IL1RAPL1: variants seen among roughly 807,000 people sequenced by gnomAD.
The protein encoded by IL1RAPL1 is interleukin 1 receptor accessory protein like 1.
Under a neutral mutation model 48.4 loss-of-function variants are expected in IL1RAPL1, and 3 were observed. The observed-to-expected ratio is 0.06, with a 90% CI of 0.03 to 0.16. IL1RAPL1 has a LOEUF of 0.16. IL1RAPL1 is among the 10% of genes least tolerant of loss of function. The probability of loss-of-function intolerance (pLI) is 1.00; values close to 1 mark genes in which losing one functional copy is unlikely to be tolerated. For missense variants in IL1RAPL1, 349 were observed against 530.6 expected, an observed-to-expected ratio of 0.66 and a Z score of 3.36; for synonymous variants, 185 against 187.7, an observed-to-expected ratio of 0.99 and a Z score of 0.12.
At chrX:28,741,018 C>T (rs151110959) in intron 1 of IL1RAPL1, among the ~76,000 whole-genome samples, 27 of 111,908 alleles carry the variant, frequency 2.4e-4, no homozygotes, top group African/African-American at 8.4e-4. Context: ...TACATACCGT[C>T]GTTTGATTGA....
At chrX:29,673,064 C>T (rs1012129223) in intron 6 of IL1RAPL1, among the ~76,000 whole-genome samples, 3 of 111,746 alleles carry the variant, frequency 2.7e-5, no homozygotes, top group African/African-American at 6.5e-5. Context: ...AATTAGCACT[C>T]CTTGGCTTGT....
intron 3 of IL1RAPL1, among the ~76,000 whole-genome samples, chrX:29,356,001 T>C (rs1933296302): frequency 8.9e-6 from 1 of 111,982 alleles, no homozygotes; most frequent in African/African-American, 3.2e-5. Context: ...ATATAGTTTG[T>C]ACCTAACGAT....
At position 28,981,545 on chromosome X, in the gene IL1RAPL1, C is replaced by G. The variant is rs187578938; in HGVS notation, c.82+192120C>G. On this transcript the variant is annotated intron_variant, in intron 2 of 10. Transcript: ENST00000378993. ...AAGATATGATTTATTCCTCAAGGCC[C>G]TTAACATCCCTTTGGCAAGATAATG... 4.5e-5 allele frequency among the ~76,000 whole-genome samples: 5 copies of G among 111,931 alleles called. No homozygotes were observed. In the East Asian group the frequency reaches 1.4e-3, roughly 31 times the overall value.
intron 3 of IL1RAPL1, among the ~76,000 whole-genome samples, chrX:29,326,164 A>T (rs1932841433): frequency 8.9e-6 from 1 of 112,288 alleles, no homozygotes; most frequent in Non-Finnish European, 1.9e-5. Flanking sequence ...AAGATAAGAG[A>T]ATATGACAGT....
At chrX:29,810,111 G>A (rs1930349582) in intron 6 of IL1RAPL1, among the ~76,000 whole-genome samples, 1 of 111,115 alleles carries the variant, frequency 9.0e-6, no homozygotes, top group South Asian at 3.7e-4. Context: ...TTTTCTCTTT[G>A]TGTTTAATTA....
At chrX:28,660,886 G>A (rs1934814770) in intron 1 of IL1RAPL1, among the ~76,000 whole-genome samples, 1 of 111,953 alleles carries the variant, frequency 8.9e-6, no homozygotes, top group African/African-American at 3.2e-5. Flanking sequence ...TTGGCAAGAG[G>A]AGGTTGGGGA....
intron 2 of IL1RAPL1, among the ~76,000 whole-genome samples, chrX:28,944,173 T>C (rs1924236492): frequency 9.0e-6 from 1 of 110,887 alleles, no homozygotes; most frequent in Non-Finnish European, 1.9e-5. Flanking sequence ...TAAAAAATTA[T>C]CGTGGAGAAA....
intron 2 of IL1RAPL1, among the ~76,000 whole-genome samples, chrX:29,178,930 G>T (rs1481248525): frequency 5.4e-5 from 6 of 111,055 alleles, no homozygotes; most frequent in African/African-American, 2.0e-4. Flanking sequence ...ATTTCTGAGG[G>T]CTCTGTTCTG....
chrX:29,254,771 G>T (rs1177602301), intron 2 of IL1RAPL1, among the ~76,000 whole-genome samples: 1 of 111,426 alleles, frequency 9.0e-6, no homozygotes, highest in Non-Finnish European at 1.9e-5. Context: ...TGATGCTGCT[G>T]TGAAATCACA....
chrX:29,555,868 T>C (rs1376288324), intron 5 of IL1RAPL1, among the ~76,000 whole-genome samples: 5 of 112,008 alleles, frequency 4.5e-5, no homozygotes, highest in Non-Finnish European at 9.4e-5. Flanking sequence ...GAAACAAAAT[T>C]AACTTGGCCA....
At chrX:29,906,251 C>G (rs1211449052) in intron 6 of IL1RAPL1, among the ~76,000 whole-genome samples, 1 of 103,342 alleles carries the variant, frequency 9.7e-6, no homozygotes, top group African/African-American at 3.5e-5. Flanking sequence ...AGGAGAATGG[C>G]GTGAACCCGG....
chrX:29,496,157 C>T (rs1479684604), intron 5 of IL1RAPL1, among the ~76,000 whole-genome samples: 5 of 111,659 alleles, frequency 4.5e-5, no homozygotes, highest in Non-Finnish European at 9.4e-5. Context: ...TACCTTTCAC[C>T]TATATATGGT....
chrX:29,553,643 A>C lies in IL1RAPL1; in HGVS notation c.704-114787A>C, dbSNP rs757154871. Among the ~76,000 whole-genome samples the C allele has an allele frequency of 1.0e-3, 115 of 111,520 alleles. 2 individuals carry two copies. Among genetic ancestry groups the C allele is most frequent in the Non-Finnish European group, 1.0e-3 (53 of 53,104 alleles). Reference sequence around the variant, plus strand: ...TTTCAGATGGGATAAGGCTCTGATAAAGCTTTTTCCTCCTGGAAAATAGGA... The same window carrying C: ...TTTCAGATGGGATAAGGCTCTGATACAGCTTTTTCCTCCTGGAAAATAGGA... On this transcript the variant is annotated intron_variant, in intron 5 of 10. Transcript: ENST00000378993.
chrX:28,777,467 A>G (rs1200019761), intron 1 of IL1RAPL1, among the ~76,000 whole-genome samples: 1 of 111,952 alleles, frequency 8.9e-6, no homozygotes, highest in Non-Finnish European at 1.9e-5. Context: ...TGCAGTCACT[A>G]TCTTTTAATT....
intron 6 of IL1RAPL1, among the ~76,000 whole-genome samples, chrX:29,722,675 C>T (rs1221801506): frequency 1.8e-5 from 2 of 111,594 alleles, no homozygotes; most frequent in Admixed American, 1.9e-4. Flanking sequence ...ATTATTACCT[C>T]GATTTACATT....
intron 2 of IL1RAPL1, among the ~76,000 whole-genome samples, chrX:28,911,871 G>A (rs968497422): frequency 9.3e-6 from 1 of 108,094 alleles, no homozygotes; most frequent in Non-Finnish European, 1.9e-5. Context: ...GAGCCATGAA[G>A]AGTTTTTATC....
At chrX:29,154,238 G>A (rs909950959) in intron 2 of IL1RAPL1, among the ~76,000 whole-genome samples, 7 of 111,598 alleles carry the variant, frequency 6.3e-5, no homozygotes, top group African/African-American at 2.3e-4. Flanking sequence ...ACCCAGTTGT[G>A]CATTTTAAAA....
chrX:29,752,076 GTATGTATATA>G lies in IL1RAPL1; in HGVS notation c.778+83576_778+83585del, dbSNP rs1468990657. On this transcript the variant is annotated intron_variant, in intron 6 of 10. Coordinates refer to ENST00000378993, the MANE Select transcript of IL1RAPL1 (RefSeq NM_014271.4). Reference sequence around the variant, plus strand: ...TATATATATATGTATATATATGTGTGTATGTATATATATATATATATATATATACACACAT... The same window carrying G: ...TATATATATATGTATATATATGTGTGTATATATATATATATATACACACAT... Among the ~76,000 whole-genome samples the G allele has an allele frequency of 2.8e-4, 25 of 89,484 alleles. 1 individual carries two copies. The Admixed American group carries it at 3.0e-3, about 11-fold the overall frequency. 77.7% of individuals were successfully genotyped at this position (89,484 alleles called of 115,157 possible). A position where few individuals can be genotyped will look rare whatever the true frequency, so the allele number is the denominator to read the frequency against.
chrX:28,728,642 C>G (rs895775633), intron 1 of IL1RAPL1, among the ~76,000 whole-genome samples: 5 of 111,959 alleles, frequency 4.5e-5, no homozygotes, highest in African/African-American at 1.6e-4. Context: ...AAACAATATT[C>G]TGTAATATTT....
Sources: allele counts gnomAD v4.1 joint callset (sites outside exome capture counted in the v4.1 genomes callset), GRCh38; gene constraint gnomAD v4.1.1; transcripts MANE v1.5; gene names NCBI Gene and HGNC (gene_info 2026-07-23, HGNC 2026-07-21).